Variants in LRRC27 observed in about 807,000 individuals in gnomAD.
LRRC27 encodes the protein leucine-rich repeat-containing protein 27.
LRRC27 carries 57 observed loss-of-function variants against 55.0 expected under a neutral mutation model. The ratio of observed to expected loss-of-function variants is 1.04; its 90% CI spans 0.84 to 1.29. The LOEUF is 1.29. Ranked by LOEUF, LRRC27 falls within the 50% of genes most tolerant of loss-of-function variation. The pLI is 0.00. For missense variants in LRRC27, 721 were observed against 651.5 expected, an observed-to-expected ratio of 1.11 and a Z score of -1.16; for synonymous variants, 278 against 251.9, an observed-to-expected ratio of 1.10 and a Z score of -0.98.
chr10:132,361,340 G>A (rs529326465), intron 8 of LRRC27, 117 bp from the exon 9 acceptor site: 339 of 826,064 alleles, frequency 4.1e-4, no homozygotes, highest in Middle Eastern at 9.2e-4. Context: ...TACCCGGGGC[G>A]GCCTCGGACC....
intron 9 of LRRC27, 95 bp downstream of exon 9, chr10:132,361,670 G>C: frequency 1.1e-6 from 1 of 892,996 alleles, no homozygotes; most frequent in Non-Finnish European, 1.8e-6. Flanking sequence ...GCACTGAGGA[G>C]CCCTGAAACT....
intron 7 of LRRC27, among the ~76,000 whole-genome samples, chr10:132,354,136 G>A (rs2068196589): frequency 1.3e-5 from 2 of 152,208 alleles, no homozygotes; most frequent in Non-Finnish European, 2.9e-5. Flanking sequence ...ACCACCAGCT[G>A]CAGGGGGCAG....
At chr10:132,340,880 CAA>C (rs35586925) in intron 3 of LRRC27, among the ~76,000 whole-genome samples, 36 of 99,542 alleles carry the variant, frequency 3.6e-4, no homozygotes, top group African/African-American at 7.1e-4. Context: ...GACTCCATCT[CAA>C]AAAAAAAAAA....
rs1465110874 is a variant in LRRC27, at chr10:132,364,522, C to A, written c.1290-902C>A. On this transcript the variant is annotated intron_variant, in intron 9 of 10. Coordinates refer to ENST00000368614, the MANE Select transcript of LRRC27 (RefSeq NM_030626.3). Reference sequence around the variant, plus strand: ...CCTTACATCTACCTCCACACTCGCACTTACACCCACACTTAAATCTACCTC... The same window carrying A: ...CCTTACATCTACCTCCACACTCGCAATTACACCCACACTTAAATCTACCTC... Among the ~76,000 whole-genome samples the A allele has an allele frequency of 2.5e-4, 30 of 118,682 alleles. 3 individuals are homozygous for A. The highest frequency in any genetic ancestry group is 4.9e-4 in the Admixed American group (6 of 12,228). The allele number at this position is 118,682 out of a possible 152,430, so 77.9% of individuals were successfully genotyped here.
chr10:132,349,155 G>A, intron 6 of LRRC27: 1 of 863,688 alleles, frequency 1.2e-6, no homozygotes, highest in East Asian at 2.7e-5. Flanking sequence ...ATAACAATTG[G>A]TGAATCTAGA....
chr10:132,343,925 C>T (rs562292100), intron 4 of LRRC27, among the ~76,000 whole-genome samples: 21 of 152,338 alleles, frequency 1.4e-4, no homozygotes, highest in East Asian at 3.9e-4. Flanking sequence ...TACCTCTCAG[C>T]GGCCATCGTT....
chr10:132,368,681 C>CAT (rs56794639), intron 10 of LRRC27, among the ~76,000 whole-genome samples: 22,600 of 152,156 alleles, frequency 0.15, 2,209 homozygotes, highest in Non-Finnish European at 0.23. Context: ...CTAAACGTAA[C>CAT]GTGTTACCGT....
At chr10:132,367,397 C>T (rs2069122788) in intron 10 of LRRC27, among the ~76,000 whole-genome samples, 1 of 152,186 alleles carries the variant, frequency 6.6e-6, no homozygotes, top group Admixed American at 6.5e-5. Flanking sequence ...TTAGCTCATT[C>T]TCTGAGGCCA....
chr10:132,359,922 C>T (rs1400307524), intron 8 of LRRC27, among the ~76,000 whole-genome samples: 6 of 152,132 alleles, frequency 3.9e-5, no homozygotes, highest in Non-Finnish European at 8.8e-5. Flanking sequence ...CCGGTGTGTT[C>T]GTGTTTATAT....
intron 9 of LRRC27, among the ~76,000 whole-genome samples, chr10:132,364,169 T>C (rs1448914356): frequency 6.6e-6 from 1 of 151,960 alleles, no homozygotes; most frequent in African/African-American, 2.4e-5. Flanking sequence ...GAGGACATCA[T>C]GCTTTCTTTT....
Position 132,348,531 on chromosome 10 carries a change from C to T in LRRC27, c.926+175C>T, listed in dbSNP as rs577129062. On this transcript the variant is annotated intron_variant, in intron 6 of 10. Coordinates refer to ENST00000368614, the MANE Select transcript of LRRC27 (RefSeq NM_030626.3). The surrounding 1 kb of genome is among the most constrained non-coding windows in gnomAD (Gnocchi z 4.2). ...GGGTAACGGGGACCCGCATCAAGCC[C>T]GGAGCATCTGCGGCAGAGCTCAGTC... 2.2e-4 allele frequency among the ~76,000 whole-genome samples: 33 copies of T among 152,284 alleles called. No homozygotes were observed. The highest frequency in any genetic ancestry group is 7.5e-4 in the African/African-American group (31 of 41,570).
At position 132,364,290 on chromosome 10, in the gene LRRC27, C is replaced by T. The variant is rs142488092; in HGVS notation, c.1290-1134C>T. Among the ~76,000 whole-genome samples the T allele has an allele frequency of 2.6e-3, 377 of 145,832 alleles. 3 individuals carry two copies. The highest frequency in any genetic ancestry group is 6.9e-3 in the Middle Eastern group (2 of 288). On this transcript the variant is annotated intron_variant, in intron 9 of 10. Coordinates refer to ENST00000368614, the MANE Select transcript of LRRC27 (RefSeq NM_030626.3). ...GTGTGCCATTGTATTCACAGTGGCG[C>T]ATGCACCCACGCCCGCACCAACACC...
chr10:132,361,091 G>A (rs139898366), intron 8 of LRRC27, among the ~76,000 whole-genome samples: 9 of 152,324 alleles, frequency 5.9e-5, no homozygotes, highest in Admixed American at 3.9e-4. Flanking sequence ...CCCCTGTGGA[G>A]AGGGGCCATC....
intron 9 of LRRC27, among the ~76,000 whole-genome samples, chr10:132,362,825 A>C (rs71480040): frequency 0.17 from 23,034 of 134,674 alleles, 2,219 homozygotes; most frequent in Non-Finnish European, 0.23. Flanking sequence ...CACCCCTCTT[A>C]CCTCACAGCA....
rs941853942 is a variant in LRRC27 at position 132,366,991 on chromosome 10, T to C, written c.1416+1441T>C. ...GTATCTGCCTTTAGATAAACTCTTA[T>C]TCTTTCTAAATCCATCGTTTATGAG... is the stretch of plus-strand genomic sequence containing the variant. On this transcript the variant is annotated intron_variant, in intron 10 of 10. Transcript: ENST00000368614. 104 of 1,243,754 alleles carry C rather than the reference T, an allele frequency of 8.4e-5. 1 individual carries two copies. In the Middle Eastern group the frequency reaches 4.0e-3, roughly 48 times the overall value. The allele number at this position is 1,243,754 out of a possible 1,614,324, so 77.0% of individuals were successfully genotyped here.
chr10:132,367,060 GCA>G (rs1424043524), intron 10 of LRRC27: 1 of 1,024,142 alleles, frequency 9.8e-7, no homozygotes, highest in Non-Finnish European at 1.2e-6. Context: ...TCTTAGGGCT[GCA>G]AAACATCTGT....
chr10:132,365,584 G>T, intron 10 of LRRC27, 34 bp downstream of exon 10: 1 of 1,604,356 alleles, frequency 6.2e-7, no homozygotes, highest in Non-Finnish European at 8.5e-7. Context: ...AAAAAAGTGT[G>T]GGGTGTTTTT....
In LRRC27 at chr10:132,373,000, G is replaced by C. The variant is rs574198854; in HGVS notation, c.1417-2066G>C. On this transcript the variant is annotated intron_variant, in intron 10 of 10. Coordinates refer to ENST00000368614, the MANE Select transcript of LRRC27 (RefSeq NM_030626.3). This position sits in a 1 kb window ranked among gnomAD's most constrained non-coding sequence, Gnocchi z 4.0. ...GGCCAAAGCCAGCCGGCTGGGGAGC[G>C]AGCTTCGAATGGATGCGAACATTAG... is the stretch of plus-strand genomic sequence containing the variant. 1.8e-4 allele frequency among the ~76,000 whole-genome samples: 28 copies of C among 152,188 alleles called. No homozygotes were observed. The South Asian group carries it at 4.6e-3, about 25-fold the overall frequency.
At chr10:132,351,518 C>CA (rs1465285024) in intron 6 of LRRC27, 89 bp from the exon 7 acceptor site, 2 of 1,435,550 alleles carry the variant, frequency 1.4e-6, no homozygotes, top group East Asian at 4.6e-5. Flanking sequence ...GGATGATCCA[C>CA]AGGCCCTCCT....
Sources: allele counts gnomAD v4.1 joint callset (sites outside exome capture counted in the v4.1 genomes callset), GRCh38; gene constraint gnomAD v4.1.1; non-coding constraint Gnocchi (gnomAD v3.1); transcripts MANE v1.5; gene names NCBI Gene and HGNC (gene_info 2026-07-23, HGNC 2026-07-21).